The following ZNF362 variants were observed in gnomAD, a reference collection of about 807,000 sequenced individuals.
The protein encoded by ZNF362 is rotund homolog.
A neutral mutation model predicts 42.9 loss-of-function variants in ZNF362; 11 were observed. That is an observed-to-expected ratio of 0.26 (90% CI 0.16 to 0.42). ZNF362 has a LOEUF of 0.42. Ranked by LOEUF, ZNF362 falls within the 20% of genes least tolerant of loss-of-function variation. The pLI, the probability that ZNF362 is intolerant of heterozygous loss-of-function variation, is 1.00. For missense variants in ZNF362, 362 were observed against 576.2 expected, an observed-to-expected ratio of 0.63 and a Z score of 3.81; for synonymous variants, 255 against 257.3, an observed-to-expected ratio of 0.99 and a Z score of 0.09.
At chr1:33,156,266 C>G in the ZNF362 span, among the ~76,000 whole-genome samples, 1 of 152,242 alleles carries the variant, frequency 6.6e-6, no homozygotes, top group African/African-American at 2.4e-5. Flanking sequence ...CACACTCTCT[C>G]TCCTTCGCTT....
the ZNF362 span, among the ~76,000 whole-genome samples, chr1:33,214,281 C>T: frequency 2.0e-5 from 3 of 152,160 alleles, no homozygotes; most frequent in Non-Finnish European, 2.9e-5. Flanking sequence ...GCTAGGAAAA[C>T]AGGATCTCCA....
At chr1:33,148,046 T>C in the ZNF362 span, among the ~76,000 whole-genome samples, 1 of 152,090 alleles carries the variant, frequency 6.6e-6, no homozygotes, top group Non-Finnish European at 1.5e-5. Flanking sequence ...AGGCCTAGAA[T>C]TGGGGAATTT....
At chr1:33,247,994 C>T in the ZNF362 span, among the ~76,000 whole-genome samples, 1 of 152,190 alleles carries the variant, frequency 6.6e-6, no homozygotes, top group Non-Finnish European at 1.5e-5. Flanking sequence ...ATAGCAAATG[C>T]TTGCTAATTG....
the ZNF362 span, chr1:33,143,137 C>T: frequency 6.6e-6 from 1 of 152,172 alleles, no homozygotes; most frequent in Non-Finnish European, 1.5e-5. Flanking sequence ...CCTGACAACC[C>T]CAGATTCTTT....
At chr1:33,142,654 C>T in the ZNF362 span, 1 of 152,246 alleles carries the variant, frequency 6.6e-6, no homozygotes, top group Non-Finnish European at 1.5e-5. Flanking sequence ...ACTTGACTTA[C>T]AATTGCACAA....
the ZNF362 span, chr1:33,182,112 A>G: frequency 5.3e-5 from 8 of 151,962 alleles, no homozygotes; most frequent in Non-Finnish European, 8.8e-5. Context: ...GGACCCAAGC[A>G]ACTCCGCCCC....
At chr1:33,197,574 G>A in the ZNF362 span, among the ~76,000 whole-genome samples, 7 of 152,238 alleles carry the variant, frequency 4.6e-5, no homozygotes, top group African/African-American at 1.7e-4. Flanking sequence ...GGCAAAAAGG[G>A]GAGCAATCTC....
the ZNF362 span, among the ~76,000 whole-genome samples, chr1:33,136,249 CTCTT>C: frequency 4.7e-5 from 7 of 149,702 alleles, no homozygotes; most frequent in Non-Finnish European, 8.9e-5. Context: ...TTTCCTTTCT[CTCTT>C]TCTTTTTCTT....
the ZNF362 span, among the ~76,000 whole-genome samples, chr1:33,153,429 A>G: frequency 6.6e-6 from 1 of 152,340 alleles, no homozygotes; most frequent in East Asian, 1.9e-4. Context: ...TCCCAGGGAC[A>G]TCTGGCAAAG....
chr1:33,249,168 T>G, the ZNF362 span, among the ~76,000 whole-genome samples: 1 of 152,234 alleles, frequency 6.6e-6, no homozygotes, highest in African/African-American at 2.4e-5. Context: ...GTGAGCCACA[T>G]GGTGGGTGAG....
chr1:33,128,882 A>T, the ZNF362 span, among the ~76,000 whole-genome samples: 1 of 152,190 alleles, frequency 6.6e-6, no homozygotes, highest in South Asian at 2.1e-4. Flanking sequence ...CCAAGTGGAG[A>T]TAATTGTGAT....
At chr1:33,246,473 A>G in the ZNF362 span, among the ~76,000 whole-genome samples, 3 of 152,198 alleles carry the variant, frequency 2.0e-5, no homozygotes, top group African/African-American at 4.8e-5. Flanking sequence ...CACTCAGGCC[A>G]TGGAAAAGCC....
At position 33,295,134 on chromosome 1, in the gene ZNF362, T is replaced by C. The variant is rs1171815411; in HGVS notation, c.988-13T>C. 6.2e-7 allele frequency: 1 copy of C among 1,613,020 alleles called. No individual in the cohort carries two copies. Among genetic ancestry groups the C allele is most frequent in the East Asian group, 2.2e-5 (1 of 44,780 alleles). The stretch of plus-strand genomic sequence containing the variant: ...CCCTGTTCCTCTCCTGACCCCCTGC[T>C]GTGCCCCTACAGTCTCACCAGCGCC... On this transcript the variant is annotated splice_polypyrimidine_tract_variant and intron_variant, in intron 7 of 8. Coordinates refer to ENST00000539719, the MANE Select transcript of ZNF362 (RefSeq NM_152493.3).
At chr1:33,133,011 T>C in the ZNF362 span, among the ~76,000 whole-genome samples, 4,035 of 152,258 alleles carry the variant, frequency 0.027, 166 homozygotes, top group African/African-American at 0.081. Flanking sequence ...AAACCAGGAG[T>C]GCACTCCTTG....
the ZNF362 span, among the ~76,000 whole-genome samples, chr1:33,136,367 TCTTTCTTTCTTC>T: frequency 9.4e-4 from 143 of 151,598 alleles, no homozygotes; most frequent in African/African-American, 3.4e-3. Context: ...TCTCTGTCTT[TCTTTCTTTCTTC>T]CTTTCTTTCT....
chr1:33,150,468 A>G, the ZNF362 span, among the ~76,000 whole-genome samples: 1 of 152,246 alleles, frequency 6.6e-6, no homozygotes, highest in Non-Finnish European at 1.5e-5. Context: ...GCCAGGAGTA[A>G]GTTTAGTTTT....
At chr1:33,159,599 A>G in the ZNF362 span, 6 of 1,477,198 alleles carry the variant, frequency 4.1e-6, no homozygotes, top group Admixed American at 2.2e-5. The surrounding 1 kb of genome is among the most constrained non-coding windows in gnomAD (Gnocchi z 4.2). Flanking sequence ...ATTCTCTGCT[A>G]AGGATCCCAT....
intron 1 of ZNF362, among the ~76,000 whole-genome samples, chr1:33,258,503 C>G (rs928405235): frequency 6.6e-6 from 1 of 152,094 alleles, no homozygotes; most frequent in Non-Finnish European, 1.5e-5. Context: ...CAGAGGGTAC[C>G]AAGCCAGGTG....
Position 33,295,318 on chromosome 1 carries a change from C to T in ZNF362, c.1146+13C>T, listed in dbSNP as rs765303247. 38 of 1,612,266 alleles carry T rather than the reference C, an allele frequency of 2.4e-5. No homozygotes were observed. In the East Asian group the frequency reaches 4.7e-4, roughly 20 times the overall value. On this transcript the variant is annotated intron_variant, in intron 8 of 8. Transcript: ENST00000539719. ...GGCCTACACCTCGGTGAGTGCCGGT[C>T]GGCCTGTGCCCTGCCCCGGGGGAGC... is the stretch of plus-strand genomic sequence containing the variant.
Sources: gnomAD v4.1 joint callset for allele counts (sites outside exome capture counted in the v4.1 genomes callset) on GRCh38, gnomAD v4.1.1 for gene constraint, Gnocchi (gnomAD v3.1) non-coding constraint, MANE v1.5 for transcripts, NCBI Gene and HGNC (gene_info 2026-07-23, HGNC 2026-07-21) for gene names.